The following DLD variants were observed in gnomAD, a reference collection of about 807,000 sequenced individuals.
DLD encodes dihydrolipoyl dehydrogenase, mitochondrial.
DLD carries 36 observed loss-of-function variants against 62.2 expected under a neutral mutation model. The observed-to-expected ratio is 0.58, with a 90% CI of 0.44 to 0.76. The LOEUF is 0.76. Among genes scored for constraint, DLD ranks in the 30% least tolerant of loss-of-function variants. The probability of loss-of-function intolerance (pLI) is 0.00; values close to 1 mark genes in which losing one functional copy is unlikely to be tolerated. For synonymous variants in DLD, 204 were observed against 199.6 expected (o/e 1.02, Z -0.19); for missense variants, 541 against 608.6 (o/e 0.89, Z 1.17).
intron 2 of DLD, among the ~76,000 whole-genome samples, chr7:107,897,759 A>G (rs1165827729): frequency 2.0e-5 from 3 of 151,802 alleles, no homozygotes; most frequent in South Asian, 2.1e-4. Flanking sequence ...TTGTATTTTT[A>G]GTAGAGATAG....
chr7:107,900,636 G>A (rs772213800), intron 2 of DLD, among the ~76,000 whole-genome samples: 3 of 152,194 alleles, frequency 2.0e-5, no homozygotes, highest in African/African-American at 4.8e-5. Flanking sequence ...AAAGACCACC[G>A]GAAGTAGAGT....
chr7:107,907,968 A>G (rs368916987), intron 8 of DLD, among the ~76,000 whole-genome samples: 1 of 152,202 alleles, frequency 6.6e-6, no homozygotes, highest in Non-Finnish European at 1.5e-5. Flanking sequence ...CTGTTGGACT[A>G]ATTTCTTCAC....
intron 2 of DLD, among the ~76,000 whole-genome samples, chr7:107,894,190 G>C (rs2031660965): frequency 6.6e-6 from 1 of 152,136 alleles, no homozygotes; most frequent in African/African-American, 2.4e-5. Flanking sequence ...TGACCTGTCA[G>C]TACCAAGGAT....
chr7:107,891,299 G>C lies in DLD; in HGVS notation c.39+10G>C. 1 of 1,614,028 alleles carries C rather than the reference G, an allele frequency of 6.2e-7. No homozygotes were observed. Among genetic ancestry groups the C allele is most frequent in the Non-Finnish European group, 8.5e-7 (1 of 1,179,894 alleles). On this transcript the variant is annotated intron_variant, in intron 1 of 13. Coordinates refer to ENST00000205402, the MANE Select transcript of DLD (RefSeq NM_000108.5). Reference sequence around the variant, plus strand: ...CTGCTCCTTGGCCAAGGTGAGGGCCGAGTAGGTGAGGTCGTGTTGAGCCAG... The same window carrying C: ...CTGCTCCTTGGCCAAGGTGAGGGCCCAGTAGGTGAGGTCGTGTTGAGCCAG...
At chr7:107,916,670 CAA>C in intron 9 of DLD, 122 bp from the exon 10 acceptor site, 1 of 1,099,422 alleles carries the variant, frequency 9.1e-7, no homozygotes, top group Non-Finnish European at 1.4e-6. Flanking sequence ...GACTCTGTCT[CAA>C]AAACAAAACA....
chr7:107,906,289 C>T lies in DLD; in HGVS notation c.605C>T (p.Ser202Leu). 6.3e-7 allele frequency: 1 copy of T among 1,596,008 alleles called. No individual in the cohort carries two copies. Among genetic ancestry groups the T allele is most frequent in the Middle Eastern group, 1.7e-4 (1 of 6,038 alleles). ...CAGATAGATGAAGATACAATAGTGT[C>T]ATCTACAGGTGCTTTATCTTTAAAA... is the stretch of plus-strand genomic sequence containing the variant. ...GITIDEDTIV[S>L]STGALSLKKV... The change falls in exon 8 of 14, where the codon TCA becomes TTA. Residue 202 changes from serine (S) to leucine (L), a missense_variant. Coordinates refer to ENST00000205402, the MANE Select transcript of DLD (RefSeq NM_000108.5).
At position 107,915,640 on chromosome 7, in the gene DLD, A is replaced by AT. The variant is rs751883130; in HGVS notation, c.821dup (p.Leu274PhefsTer17). 2.5e-6 allele frequency: 4 copies of AT among 1,613,758 alleles called. No individual in the cohort carries two copies. The highest frequency in any genetic ancestry group is 1.7e-6 in the Non-Finnish European group (2 of 1,179,878). On this transcript the variant is annotated frameshift_variant, in exon 9 of 14. Transcript: ENST00000205402. LOFTEE classifies it high-confidence loss of function. ...TTCAAAAACAGGGGTTTAAATTTAA[A>AT]TTGAATACAAAGGTTACTGGTGCTA...
intron 8 of DLD, among the ~76,000 whole-genome samples, chr7:107,912,775 T>G (rs1305765065): frequency 1.3e-5 from 2 of 152,204 alleles, no homozygotes; most frequent in Non-Finnish European, 2.9e-5. Context: ...GACTGTTTCC[T>G]TGGCTGTGCA....
intron 8 of DLD, among the ~76,000 whole-genome samples, chr7:107,914,877 T>G (rs2032229024): frequency 6.6e-6 from 1 of 152,244 alleles, no homozygotes. Context: ...AATGAAAAAG[T>G]AAACATTTGT....
intron 7 of DLD, 45 bp downstream of exon 7, chr7:107,905,549 A>T (rs1297116677): frequency 6.3e-7 from 1 of 1,587,034 alleles, no homozygotes; most frequent in East Asian, 2.2e-5. Flanking sequence ...TTTTCTTTAG[A>T]AATACGTTTT....
chr7:107,896,680 A>G (rs2031733005), intron 2 of DLD, among the ~76,000 whole-genome samples: 1 of 152,186 alleles, frequency 6.6e-6, no homozygotes, highest in African/African-American at 2.4e-5. Flanking sequence ...GGCCATTGAC[A>G]ATGTAAAAAC....
intron 2 of DLD, 120 bp downstream of exon 2, chr7:107,893,398 C>G (rs923856745): frequency 3.9e-6 from 3 of 766,472 alleles, no homozygotes; most frequent in Admixed American, 2.9e-5. Flanking sequence ...TTCATTTGTT[C>G]ATGTATTTAT....
At chr7:107,906,162 T>C in intron 7 of DLD, 105 bp from the exon 8 acceptor site, 1 of 677,670 alleles carries the variant, frequency 1.5e-6, no homozygotes, top group Non-Finnish European at 2.6e-6. Context: ...ATATTTTCAA[T>C]TAATGGTTGG....
At chr7:107,897,047 C>T (rs1470080466) in intron 2 of DLD, among the ~76,000 whole-genome samples, 1 of 152,070 alleles carries the variant, frequency 6.6e-6, no homozygotes, top group African/African-American at 2.4e-5. Context: ...GTTGGCCATG[C>T]TGGTCTCGAA....
chr7:107,903,335 G>A (rs190895454), intron 4 of DLD, 143 bp from the exon 5 acceptor site: 7 of 558,466 alleles, frequency 1.3e-5, no homozygotes, highest in East Asian at 7.5e-5. Flanking sequence ...CTGAGATGGC[G>A]CCATTGCACT....
chr7:107,916,982 C>G lies in DLD; in HGVS notation c.1046+18C>G. 4.3e-6 allele frequency: 7 copies of G among 1,611,120 alleles called. No homozygotes were observed. Among genetic ancestry groups the G allele is most frequent in the Non-Finnish European group, 5.9e-6 (7 of 1,177,684 alleles). Reference sequence around the variant, plus strand: ...ATTCCAAAGTAAGTTGGATAATTGTCTGCATTTTCAGTAATTTTAAAATTG... The same window carrying G: ...ATTCCAAAGTAAGTTGGATAATTGTGTGCATTTTCAGTAATTTTAAAATTG... On this transcript the variant is annotated intron_variant, in intron 10 of 13. Coordinates refer to ENST00000205402, the MANE Select transcript of DLD (RefSeq NM_000108.5).
intron 8 of DLD, among the ~76,000 whole-genome samples, chr7:107,909,962 C>G (rs2032101213): frequency 1.3e-5 from 2 of 150,438 alleles, no homozygotes; most frequent in Admixed American, 1.3e-4. Flanking sequence ...AAGCAATTCT[C>G]CTGCCTCAGC....
At chr7:107,910,675 C>CA (rs796231609) in intron 8 of DLD, among the ~76,000 whole-genome samples, 8 of 152,208 alleles carry the variant, frequency 5.3e-5, no homozygotes, top group African/African-American at 1.9e-4. Context: ...GGTTTGTCAT[C>CA]AAAAAGGGGA....
chr7:107,903,415 T>C lies in DLD; in HGVS notation c.268-63T>C, dbSNP rs2031926852. 5 of 1,065,438 alleles carry C rather than the reference T, an allele frequency of 4.7e-6. No individual in the cohort carries two copies. In the South Asian group the frequency reaches 6.4e-5, roughly 14 times the overall value. The allele number at this position is 1,065,438 out of a possible 1,614,324, so 66.0% of individuals were successfully genotyped here. The stretch of plus-strand genomic sequence containing the variant: ...AGAAAGACTATCATTTCATAAGTGC[T>C]TTTTGATTATTTGAAGTCTGTTTAT... On this transcript the variant is annotated intron_variant, in intron 4 of 13. Coordinates refer to ENST00000205402, the MANE Select transcript of DLD (RefSeq NM_000108.5).
Sources: gnomAD v4.1 joint callset for allele counts (sites outside exome capture counted in the v4.1 genomes callset) on GRCh38, gnomAD v4.1.1 for gene constraint, MANE v1.5 for transcripts, NCBI Gene and HGNC (gene_info 2026-07-23, HGNC 2026-07-21) for gene names.